RAD23A: variants seen among roughly 807,000 people sequenced by gnomAD.
RAD23A encodes RAD23 nucleotide excision repair protein A.
In RAD23A, 16 loss-of-function variants were observed where a neutral mutation model predicts 44.8. The observed-to-expected ratio is 0.36, with a 90% CI of 0.24 to 0.54. The LOEUF is 0.54. Ranked by LOEUF, RAD23A falls within the 20% of genes least tolerant of loss-of-function variation. RAD23A has a pLI of 0.89. For synonymous variants in RAD23A, 217 were observed against 202.9 expected (o/e 1.07, Z -0.59); for missense variants, 380 against 483.3 (o/e 0.79, Z 2.00).
Position 12,945,926 on chromosome 19 carries a change from C to T in RAD23A, c.-23C>T. On this transcript the variant is annotated 5_prime_UTR_variant, in exon 1 of 9. Coordinates refer to ENST00000586534, the MANE Select transcript of RAD23A (RefSeq NM_005053.4). ...GCATGTTGTGTGAGGATCCCGGGGC[C>T]GCCGCGTCGCTCGGGCCCCGCCATG... 18 of 1,606,170 alleles carry T rather than the reference C, an allele frequency of 1.1e-5. No individual in the cohort carries two copies. The highest frequency in any genetic ancestry group is 1.5e-5 in the Non-Finnish European group (18 of 1,177,612).
At position 12,949,286 on chromosome 19, in the gene RAD23A, C is replaced by T; in HGVS notation, c.691C>T (p.Pro231Ser). The change falls in exon 7 of 9, where the codon CCC becomes TCC. Residue 231 changes from proline (P) to serine (S), a missense_variant. By Grantham distance (74) the Pro-to-Ser change is moderately conservative. Coordinates refer to ENST00000586534, the MANE Select transcript of RAD23A (RefSeq NM_005053.4). Reference sequence around the variant, plus strand: ...CTTCCTACTACCAGCAGGAGAGAACCCCCTGGAGTTCCTGCGGGACCAGCC... The same window carrying T: ...CTTCCTACTACCAGCAGGAGAGAACTCCCTGGAGTTCCTGCGGGACCAGCC... Reference protein sequence around the residue: ...QPATEAAGENPLEFLRDQPQF... With the variant: ...QPATEAAGENSLEFLRDQPQF... 1.9e-6 allele frequency: 3 copies of T among 1,614,152 alleles called. No homozygotes were observed. The highest frequency in any genetic ancestry group is 2.5e-6 in the Non-Finnish European group (3 of 1,179,984).
intron 1 of RAD23A, among the ~76,000 whole-genome samples, chr19:12,946,412 A>C (rs1332442695): frequency 6.6e-6 from 1 of 152,222 alleles, no homozygotes; most frequent in South Asian, 2.1e-4. Flanking sequence ...AGTAATGACC[A>C]GGAGATACTG....
intron 6 of RAD23A, 57 bp from the exon 7 acceptor site, chr19:12,949,218 C>G (rs892982930): frequency 6.2e-7 from 1 of 1,613,866 alleles, no homozygotes; most frequent in Admixed American, 1.7e-5. Flanking sequence ...ACACTCCACC[C>G]CGCAGTGCTC....
Position 12,948,892 on chromosome 19 carries a change from G to A in RAD23A, c.600+79G>A. The A allele has an allele frequency of 6.4e-7, 1 of 1,551,136 alleles. No individual in the cohort carries two copies. Among genetic ancestry groups the A allele is most frequent in the Non-Finnish European group, 8.7e-7 (1 of 1,149,682 alleles). On this transcript the variant is annotated intron_variant, in intron 5 of 8. Transcript: ENST00000586534. This position sits in a 1 kb window ranked among gnomAD's most constrained non-coding sequence, Gnocchi z 5.5. ...ACTGCCCTGATGGGCGGTTGGGAAG[G>A]CAAAACCTGCCCTGAAAAGCCTTTG...
chr19:12,948,910 A>T lies in RAD23A; in HGVS notation c.600+97A>T. On this transcript the variant is annotated intron_variant, in intron 5 of 8. Transcript: ENST00000586534. This position sits in a 1 kb window ranked among gnomAD's most constrained non-coding sequence, Gnocchi z 5.5. ...TGGGAAGGCAAAACCTGCCCTGAAA[A>T]GCCTTTGGGTAGTGATTCTAGCCAC... 1 of 1,546,590 alleles carries T rather than the reference A, an allele frequency of 6.5e-7. No homozygotes were observed. Among genetic ancestry groups the T allele is most frequent in the Non-Finnish European group, 8.7e-7 (1 of 1,143,976 alleles).
In RAD23A at chr19:12,948,284, C is replaced by T. The variant is rs571547302; in HGVS notation, c.342C>T (p.Pro114=). The change falls in exon 3 of 9, where the codon CCC becomes CCT. Residue 114 remains proline, a synonymous_variant. Coordinates refer to ENST00000586534, the MANE Select transcript of RAD23A (RefSeq NM_005053.4). This position sits in a 1 kb window ranked among gnomAD's most constrained non-coding sequence, Gnocchi z 5.5. ...PPAPTSGMSH[P]PPAAREDKSP... The stretch of plus-strand genomic sequence containing the variant: ...CCCCCACCTCAGGCATGTCCCATCC[C>T]CCACCTGCCGCCAGAGAGGACAAGA... The T allele has an allele frequency of 1.9e-6, 3 of 1,613,554 alleles. No homozygotes were observed. Among genetic ancestry groups the T allele is most frequent in the East Asian group, 2.2e-5 (1 of 44,882 alleles).
At chr19:12,951,969 CTGGAG>C (rs1180041218) in intron 7 of RAD23A, among the ~76,000 whole-genome samples, 1 of 152,234 alleles carries the variant, frequency 6.6e-6, no homozygotes, top group African/African-American at 2.4e-5. Flanking sequence ...CTTGCCCAGG[CTGGAG>C]TGCAGTGGCA....
At chr19:12,946,911 T>A (rs147034277) in intron 1 of RAD23A, among the ~76,000 whole-genome samples, 26 of 152,262 alleles carry the variant, frequency 1.7e-4, no homozygotes, top group African/African-American at 5.1e-4. Context: ...TTCTCAAATA[T>A]CAAATGAACC....
At position 12,953,026 on chromosome 19, in the gene RAD23A, A is replaced by G. The variant is rs1399995264; in HGVS notation, c.1069A>G (p.Ser357Gly). 6.2e-7 allele frequency: 1 copy of G among 1,614,016 alleles called. No individual in the cohort carries two copies. The highest frequency in any genetic ancestry group is 1.7e-5 in the Admixed American group (1 of 59,994). Residue 357 changes from serine (S) to glycine (G), a missense_variant, in exon 9 of 9, where the codon AGT (serine) becomes GGT (glycine). By Grantham distance (56) the Ser-to-Gly change is moderately conservative (BLOSUM62 0). This residue lies in a region of RAD23A where 31 missense variants were observed against 63.6 expected (regional missense o/e 0.49). Coordinates refer to ENST00000586534, the MANE Select transcript of RAD23A (RefSeq NM_005053.4). ...NENLAANFLL[S>G]QNFDDE ...GAACTTGGCTGCCAACTTCCTCCTG[A>G]GTCAGAACTTTGATGACGAGTGATG...
chr19:12,952,577 G>A, intron 7 of RAD23A, 112 bp from the exon 8 acceptor site: 1 of 1,260,846 alleles, frequency 7.9e-7, no homozygotes, highest in Non-Finnish European at 1.1e-6. Flanking sequence ...GGCCAGAACA[G>A]GCTCCTCTGG....
rs7395 is a variant in RAD23A at position 12,953,508 on chromosome 19, G to T, written c.*459G>T. On this transcript the variant is annotated 3_prime_UTR_variant, in exon 9 of 9. Coordinates refer to ENST00000586534, the MANE Select transcript of RAD23A (RefSeq NM_005053.4). ...TAGGGCAAGTCCTGAAAGGCCCAAGGCCCCCTCCCCAGTCTGGCCTTGGCC... is the reference window on the plus strand; with the variant it reads ...TAGGGCAAGTCCTGAAAGGCCCAAGTCCCCCTCCCCAGTCTGGCCTTGGCC... 6,421 of 153,782 alleles carry T rather than the reference G, an allele frequency of 0.042. 172 individuals are homozygous for T. Among genetic ancestry groups the T allele is most frequent in the African/African-American group, 0.071 (2,955 of 41,540 alleles). The allele number at this position is 153,782 out of a possible 1,614,324, so 9.5% of individuals were successfully genotyped here.
chr19:12,947,611 C>T (rs1311521653), intron 1 of RAD23A, among the ~76,000 whole-genome samples: 1 of 152,172 alleles, frequency 6.6e-6, no homozygotes, highest in Non-Finnish European at 1.5e-5. Context: ...TGTGCTGTGG[C>T]CTCTGTGTCT....
intron 7 of RAD23A, among the ~76,000 whole-genome samples, chr19:12,952,178 T>C (rs1452308025): frequency 2.0e-5 from 3 of 151,514 alleles, no homozygotes; most frequent in Non-Finnish European, 4.4e-5. Context: ...CTGAAGTGAT[T>C]ATAGGTGTGA....
Position 12,948,242 on chromosome 19 carries a change from T to C in RAD23A, c.300T>C (p.Ser100=), listed in dbSNP as rs1971715980. 6.2e-7 allele frequency: 1 copy of C among 1,614,002 alleles called. No homozygotes were observed. The highest frequency in any genetic ancestry group is 8.5e-7 in the Non-Finnish European group (1 of 1,179,964). Residue 100 remains serine (S), a synonymous_variant, in exon 3 of 9, where the codon TCT becomes TCC. Coordinates refer to ENST00000586534, the MANE Select transcript of RAD23A (RefSeq NM_005053.4). The surrounding 1 kb of genome is among the most constrained non-coding windows in gnomAD (Gnocchi z 5.5). ...CACCCACAGCTGCCCCAGAGTCCTC[T>C]ACATCCTTCCCGCCTGCCCCCACCT... ...EASPTAAPES[S]TSFPPAPTSG...
intron 1 of RAD23A, 64 bp downstream of exon 1, chr19:12,946,084 G>GA: frequency 3.9e-6 from 2 of 512,146 alleles, no homozygotes; most frequent in Non-Finnish European, 3.7e-6. Flanking sequence ...TGGGGGCGGG[G>GA]AGGCTAGAAT....
At position 12,948,842 on chromosome 19, in the gene RAD23A, G is replaced by A; in HGVS notation, c.600+29G>A. The A allele has an allele frequency of 6.3e-7, 1 of 1,576,224 alleles. No homozygotes were observed. On this transcript the variant is annotated intron_variant, in intron 5 of 8. Transcript: ENST00000586534. The surrounding 1 kb of genome is among the most constrained non-coding windows in gnomAD (Gnocchi z 5.5). Reference sequence around the variant, plus strand: ...AGGTGGGGCTTCCGCCTCCCGGGGAGGCCTTGAGGGAGTACCCGGGCGTCA... The same window carrying A: ...AGGTGGGGCTTCCGCCTCCCGGGGAAGCCTTGAGGGAGTACCCGGGCGTCA...
chr19:12,948,090 G>T lies in RAD23A; in HGVS notation c.234+81G>T. On this transcript the variant is annotated intron_variant, in intron 2 of 8. Transcript: ENST00000586534. This position sits in a 1 kb window ranked among gnomAD's most constrained non-coding sequence, Gnocchi z 5.5. Reference sequence around the variant, plus strand: ...GAGCCTGTGTGCCCAGGAGAGATTAGCTGTGAACAGGGCGGGGCCACAGCG... The same window carrying T: ...GAGCCTGTGTGCCCAGGAGAGATTATCTGTGAACAGGGCGGGGCCACAGCG... The T allele has an allele frequency of 6.2e-7, 1 of 1,607,674 alleles. No homozygotes were observed.
intron 7 of RAD23A, among the ~76,000 whole-genome samples, chr19:12,951,335 C>A (rs546361105): frequency 6.6e-6 from 1 of 152,320 alleles, no homozygotes; most frequent in East Asian, 1.9e-4. Context: ...CTGTCACCAC[C>A]GTGGCTTCCC....
Position 12,947,956 on chromosome 19 carries a change from A to G in RAD23A, c.181A>G (p.Ile61Val). 2 of 1,613,904 alleles carry G rather than the reference A, an allele frequency of 1.2e-6. No individual in the cohort carries two copies. Among genetic ancestry groups the G allele is most frequent in the Non-Finnish European group, 1.7e-6 (2 of 1,179,932 alleles). Residue 61 changes from isoleucine (I) to valine (V), a missense_variant, in exon 2 of 9, where the codon ATC becomes GTC. By Grantham distance (29) the Ile-to-Val change is conservative (BLOSUM62 3). Around this residue, in one of 3 missense-constraint regions of RAD23A, gnomAD observed 70 missense variants for 106.0 expected, o/e 0.66. Transcript: ENST00000586534. ...AGKILSDDVPIRDYRIDEKNF... is the reference protein window; with the variant it reads ...AGKILSDDVPVRDYRIDEKNF... ...CAAGATCTTGAGTGACGATGTCCCT[A>G]TCAGGGACTATCGCATCGATGAGAA...
Sources: gnomAD v4.1 joint callset for allele counts (sites outside exome capture counted in the v4.1 genomes callset) on GRCh38, gnomAD v4.1.1 for gene constraint, gnomAD v4.1.1 regional missense constraint, Gnocchi (gnomAD v3.1) non-coding constraint, MANE v1.5 for transcripts, NCBI Gene and HGNC (gene_info 2026-07-23, HGNC 2026-07-21) for gene names.